Variants in ABCC5 observed in about 807,000 individuals in gnomAD.
The protein encoded by ABCC5 is ATP binding cassette subfamily C member 5.
In ABCC5, 61 loss-of-function variants were observed where a neutral mutation model predicts 160.9. The ratio of observed to expected loss-of-function variants is 0.38; its 90% confidence interval spans 0.31 to 0.47. The LOEUF is 0.47. Among genes scored for constraint, ABCC5 ranks in the 20% least tolerant of loss-of-function variants. The pLI is 0.99. For missense variants in ABCC5, 1,308 were observed against 1,813.3 expected (o/e 0.72, Z 5.06); for synonymous variants, 666 against 700.6 (o/e 0.95, Z 0.78).
intron 2 of ABCC5, among the ~76,000 whole-genome samples, chr3:184,013,901 C>T (rs1435852967): frequency 6.6e-6 from 1 of 152,138 alleles, no homozygotes. Context: ...GAGACTGAGT[C>T]TCGCTCTATC....
Position 183,952,243 on chromosome 3 carries a change from T to C in ABCC5, c.2668-240A>G, listed in dbSNP as rs145638630. Among the ~76,000 whole-genome samples the C allele has an allele frequency of 6.1e-4, 92 of 151,064 alleles. 1 individual carries two copies. The highest frequency in any genetic ancestry group is 2.1e-3 in the African/African-American group (86 of 40,990). On this transcript the variant is annotated intron_variant, in intron 18 of 29. Coordinates refer to ENST00000334444, the MANE Select transcript of ABCC5 (RefSeq NM_005688.4). ...CTCACTGCACCCTCTGCCTCCTGAG[T>C]TCAAGAAATTCTCATGCCTCAGCCT...
intron 25 of ABCC5, among the ~76,000 whole-genome samples, chr3:183,938,446 G>C (rs371771644): frequency 1.7e-3 from 254 of 152,128 alleles, no homozygotes; most frequent in South Asian, 3.3e-3. Flanking sequence ...CTACAGGCAC[G>C]CGTCACCATG....
chr3:183,967,531 AG>A (rs908584223), intron 12 of ABCC5, 163 bp downstream of exon 12: 63 of 644,952 alleles, frequency 9.8e-5, no homozygotes, highest in African/African-American at 8.0e-4. Context: ...AAGGCTGTGA[AG>A]GGGGAGAACT....
chr3:183,926,878 C>G (rs1283603820), intron 28 of ABCC5, among the ~76,000 whole-genome samples: 1 of 151,938 alleles, frequency 6.6e-6, no homozygotes, highest in East Asian at 2.0e-4. Flanking sequence ...AACCCCATCT[C>G]TACTAAAAAT....
At chr3:183,955,540 G>T (rs966948046) in intron 17 of ABCC5, among the ~76,000 whole-genome samples, 6 of 152,216 alleles carry the variant, frequency 3.9e-5, no homozygotes, top group Admixed American at 3.3e-4. Context: ...TTTTTCATTT[G>T]CAAGAGAAAC....
rs751333219 is a variant in ABCC5 at position 183,921,444 on chromosome 3, T to C, written c.4213-43A>G. 12 of 1,581,562 alleles carry C rather than the reference T, an allele frequency of 7.6e-6. No individual in the cohort carries two copies. The highest frequency in any genetic ancestry group is 9.5e-6 in the Non-Finnish European group (11 of 1,163,400). The stretch of plus-strand genomic sequence containing the variant: ...GCCGTCAGGACACAGCTCTGGGTCA[T>C]GCAGGGTGATTCAGAGGATCCACGG... On this transcript the variant is annotated intron_variant, in intron 29 of 29. Coordinates refer to ENST00000334444, the MANE Select transcript of ABCC5 (RefSeq NM_005688.4). This position sits in a 1 kb window ranked among gnomAD's most constrained non-coding sequence, Gnocchi z 4.1.
chr3:183,956,014 A>C lies in ABCC5; in HGVS notation c.2483-2744T>G, dbSNP rs1375225678. Among the ~76,000 whole-genome samples the C allele has an allele frequency of 2.1e-5, 3 of 142,572 alleles. 1 individual carries two copies. The East Asian group carries it at 7.6e-4, about 36-fold the overall frequency. 93.5% of individuals were successfully genotyped at this position (142,572 alleles called of 152,430 possible). ...TCCATGTGTATATCACATCGGTTAC[A>C]TGTTCATCCATGTGTATATCACATC... is the stretch of plus-strand genomic sequence containing the variant. On this transcript the variant is annotated intron_variant, in intron 17 of 29. Coordinates refer to ENST00000334444, the MANE Select transcript of ABCC5 (RefSeq NM_005688.4).
At chr3:183,956,977 C>A (rs1395299375) in intron 17 of ABCC5, among the ~76,000 whole-genome samples, 1 of 150,254 alleles carries the variant, frequency 6.7e-6, no homozygotes, top group Non-Finnish European at 1.5e-5. Context: ...CGGTTACATG[C>A]GGATCCGTGT....
chr3:183,956,959 C>T (rs75441752), intron 17 of ABCC5, among the ~76,000 whole-genome samples: 6 of 111,118 alleles, frequency 5.4e-5, no homozygotes, highest in East Asian at 3.1e-4. Flanking sequence ...TCCGTGTGTA[C>T]ATCACATCGG....
chr3:183,947,841 A>C (rs774818434), intron 22 of ABCC5, among the ~76,000 whole-genome samples: 12 of 152,242 alleles, frequency 7.9e-5, no homozygotes, highest in Non-Finnish European at 1.8e-4. Flanking sequence ...TAAACTTTAG[A>C]AAAATATCTT....
chr3:183,940,570 C>T (rs919818227), intron 25 of ABCC5, among the ~76,000 whole-genome samples: 2 of 151,456 alleles, frequency 1.3e-5, no homozygotes, highest in African/African-American at 4.9e-5. Context: ...CCCTCTGGGC[C>T]GAGGCAGGGC....
At chr3:184,010,018 A>T (rs1443505583) in intron 2 of ABCC5, 1 of 431,366 alleles carries the variant, frequency 2.3e-6, no homozygotes. Context: ...AAAAAATAAA[A>T]GTTCATGGCC....
intron 8 of ABCC5, among the ~76,000 whole-genome samples, chr3:183,979,657 C>A (rs533748413): frequency 6.6e-6 from 1 of 151,372 alleles, no homozygotes; most frequent in South Asian, 2.1e-4. Flanking sequence ...CACGGCTCAC[C>A]GCAGCCTCAA....
chr3:183,985,547 G>A, intron 5 of ABCC5: 1 of 742,132 alleles, frequency 1.3e-6, no homozygotes, highest in Non-Finnish European at 2.5e-6. Flanking sequence ...AGCAGAGTTA[G>A]CATTCACCAA....
In ABCC5 at chr3:183,950,084, T is replaced by C; in HGVS notation, c.2986A>G (p.Asn996Asp). Residue 996 changes from asparagine (N) to aspartate (D), a missense_variant, in exon 21 of 30, where the codon AAC becomes GAC. By Grantham distance (23) the Asn-to-Asp change is conservative (BLOSUM62 1). This residue lies in a region of ABCC5 where 1,142 missense variants were observed against 1,527.1 expected (regional missense o/e 0.75). Coordinates refer to ENST00000334444, the MANE Select transcript of ABCC5 (RefSeq NM_005688.4). ...LPFQAEMFIQ[N>D]VILVFFCVGM... ...ACACAGAAGAACACCAGGATAACGT[T>C]CTGGATGAACATCTCGGCCTGGAAC... 6.2e-7 allele frequency: 1 copy of C among 1,614,100 alleles called. No individual in the cohort carries two copies.
chr3:183,924,886 G>C (rs530750707), intron 29 of ABCC5, among the ~76,000 whole-genome samples: 1 of 152,230 alleles, frequency 6.6e-6, no homozygotes, highest in Non-Finnish European at 1.5e-5. Flanking sequence ...GGCAGGTTGA[G>C]AGCAGGTGGA....
Position 183,945,859 on chromosome 3 carries a change from G to A in ABCC5, c.3495C>T (p.His1165=), listed in dbSNP as rs368799148. Residue 1165 remains histidine, a synonymous_variant, in exon 24 of 30, where the codon CAC becomes CAT. Coordinates refer to ENST00000334444, the MANE Select transcript of ABCC5 (RefSeq NM_005688.4). The part of the protein sequence containing the change: ...ARFTSVERIN[H]YIKTLSLEAP... ...CCTACAGCAGTCTGACCTTAATGTA[G>A]TGATTGATCCTCTCCACCGAGGTGA... The A allele has an allele frequency of 3.1e-6, 5 of 1,613,892 alleles. No homozygotes were observed. In the African/African-American group the frequency reaches 6.7e-5, roughly 22 times the overall value.
intron 28 of ABCC5, 35 bp downstream of exon 28, chr3:183,927,295 C>T: frequency 5.0e-6 from 8 of 1,601,864 alleles, no homozygotes; most frequent in Non-Finnish European, 6.8e-6. Context: ...AAAACATTCC[C>T]ATTCTCTGCT....
At position 183,971,813 on chromosome 3, in the gene ABCC5, G is replaced by T; in HGVS notation, c.1511C>A (p.Ser504Tyr). 1 of 1,614,166 alleles carries T rather than the reference G, an allele frequency of 6.2e-7. No individual in the cohort carries two copies. Among genetic ancestry groups the T allele is most frequent in the Non-Finnish European group, 8.5e-7 (1 of 1,180,044 alleles). The change falls in exon 11 of 30, where the codon TCC becomes TAC. Residue 504 changes from serine (S) to tyrosine (Y), a missense_variant. Transcript: ENST00000334444. ...CAGCTTGGGCGAGTTCTGGATACTG[G>T]AGTGGGAGGAGTCCCATGCCAAGGT... ...NATLAWDSSH[S>Y]SIQNSPKLTP...
Sources: allele counts gnomAD v4.1 joint callset (sites outside exome capture counted in the v4.1 genomes callset), GRCh38; gene constraint gnomAD v4.1.1; regional missense constraint gnomAD v4.1.1; non-coding constraint Gnocchi (gnomAD v3.1); transcripts MANE v1.5; gene names NCBI Gene and HGNC (gene_info 2026-07-23, HGNC 2026-07-21).